The following GPHN variants were observed in gnomAD, a reference collection of about 807,000 sequenced individuals.
GPHN encodes gephyrin.
In GPHN, 17 loss-of-function variants were observed where a neutral mutation model predicts 95.5. The observed-to-expected ratio is 0.18, with a 90% confidence interval of 0.12 to 0.27. The LOEUF (loss-of-function observed/expected upper bound fraction) is 0.27. Among genes scored for constraint, GPHN ranks in the 10% least tolerant of loss-of-function variants. GPHN has a pLI of 1.00. For synonymous variants in GPHN, 320 were observed against 322.5 expected (o/e 0.99, Z 0.08); for missense variants, 660 against 978.1 (o/e 0.67, Z 4.34).
At chr14:66,867,439 T>C (rs2063268588) in intron 4 of GPHN, among the ~76,000 whole-genome samples, 1 of 152,224 alleles carries the variant, frequency 6.6e-6, no homozygotes, top group South Asian at 2.1e-4. Flanking sequence ...GCTCTGTTTC[T>C]TGAATGAGAA....
intron 1 of GPHN, among the ~76,000 whole-genome samples, chr14:66,655,930 A>G (rs1374701483): frequency 6.6e-6 from 1 of 152,162 alleles, no homozygotes; most frequent in Non-Finnish European, 1.5e-5. Flanking sequence ...CCAGCCTTGC[A>G]TACATGGAAT....
the GPHN span, chr14:67,585,707 T>A: frequency 7.6e-7 from 1 of 1,320,374 alleles, no homozygotes; most frequent in Non-Finnish European, 1.1e-6. Context: ...CAACATGGTC[T>A]TTTCTTCTCC....
At chr14:67,360,424 G>A in the GPHN span, 1 of 392,050 alleles carries the variant, frequency 2.6e-6, no homozygotes, top group Middle Eastern at 6.4e-4. Context: ...GTCGGCTCTG[G>A]GCTCCAGTGC....
At chr14:67,599,497 TA>T in the GPHN span, among the ~76,000 whole-genome samples, 1 of 152,074 alleles carries the variant, frequency 6.6e-6, no homozygotes, top group East Asian at 1.9e-4. Context: ...GAGGGAGGGT[TA>T]AAAAACTCCC....
the GPHN span, among the ~76,000 whole-genome samples, chr14:67,605,054 A>G: frequency 6.6e-6 from 1 of 152,098 alleles, no homozygotes; most frequent in Non-Finnish European, 1.5e-5. Flanking sequence ...AAGTCTTTCA[A>G]CTTTATACCT....
intron 2 of GPHN, among the ~76,000 whole-genome samples, chr14:66,739,079 A>G (rs1176833730): frequency 6.6e-6 from 1 of 152,098 alleles, no homozygotes; most frequent in African/African-American, 2.4e-5. Flanking sequence ...TGGAAAGAAG[A>G]ATACCTCAGG....
the GPHN span, among the ~76,000 whole-genome samples, chr14:67,434,992 A>G: frequency 4.5e-5 from 6 of 134,388 alleles, no homozygotes; most frequent in African/African-American, 1.5e-4. Flanking sequence ...TTTGAGATGG[A>G]GTCTCACTCT....
chr14:66,733,873 G>A (rs2072023927), intron 2 of GPHN, among the ~76,000 whole-genome samples: 1 of 152,174 alleles, frequency 6.6e-6, no homozygotes, highest in African/African-American at 2.4e-5. Flanking sequence ...CAAAGATATT[G>A]TAGCTGAATC....
chr14:67,518,958 G>A, the GPHN span, among the ~76,000 whole-genome samples: 55 of 152,360 alleles, frequency 3.6e-4, no homozygotes, highest in South Asian at 8.3e-4. Context: ...AGCAAGAAGT[G>A]AGGTAGAAGC....
chr14:66,936,831 G>GT (rs2067155682), intron 8 of GPHN, among the ~76,000 whole-genome samples: 1 of 152,212 alleles, frequency 6.6e-6, no homozygotes, highest in Non-Finnish European at 1.5e-5. Flanking sequence ...CCAATGAGTA[G>GT]TTGCTCCTGA....
At chr14:67,296,847 A>C in the GPHN span, among the ~76,000 whole-genome samples, 3 of 151,988 alleles carry the variant, frequency 2.0e-5, no homozygotes, top group Non-Finnish European at 4.4e-5. Context: ...CAGTCCTCCC[A>C]CCTCAGCCTC....
rs142057218 is a variant in GPHN, at chr14:66,633,249, A to G, written c.65-47858A>G. On this transcript the variant is annotated intron_variant, in intron 1 of 22. Coordinates refer to ENST00000478722, the MANE Select transcript of GPHN (RefSeq NM_020806.5). ...TTCTTTGAATTCATTCTGTTATTCT[A>G]TGTATGTACTTCAATTTCTTATAAG... Among the ~76,000 whole-genome samples the G allele has an allele frequency of 9.8e-4, 131 of 134,130 alleles. No individual in the cohort carries two copies. In the East Asian group the frequency reaches 0.025, roughly 25 times the overall value. 88.0% of individuals were successfully genotyped at this position (134,130 alleles called of 152,430 possible).
chr14:66,686,382 G>A (rs1033699647), intron 2 of GPHN, among the ~76,000 whole-genome samples: 7 of 152,186 alleles, frequency 4.6e-5, no homozygotes, highest in Non-Finnish European at 8.8e-5. Context: ...CCATGAGCAT[G>A]GAATAAATGT....
At chr14:66,591,899 C>T (rs945979990) in intron 1 of GPHN, among the ~76,000 whole-genome samples, 7 of 152,182 alleles carry the variant, frequency 4.6e-5, no homozygotes, top group African/African-American at 1.7e-4. Context: ...TACCTGAATT[C>T]AAACTGTACT....
the GPHN span, chr14:67,579,578 C>T: frequency 2.5e-6 from 2 of 799,498 alleles, no homozygotes; most frequent in Non-Finnish European, 2.0e-6. Flanking sequence ...GGCCCTTTGC[C>T]TGTGAACACA....
intron 4 of GPHN, among the ~76,000 whole-genome samples, chr14:66,855,775 A>C (rs947318344): frequency 6.6e-6 from 1 of 151,948 alleles, no homozygotes; most frequent in Admixed American, 6.6e-5. Context: ...CTATAGATCT[A>C]TTTTGAGTTC....
chr14:67,682,953 T>C, the GPHN span, among the ~76,000 whole-genome samples: 2 of 152,224 alleles, frequency 1.3e-5, no homozygotes, highest in Admixed American at 6.5e-5. Context: ...TTGATAACAT[T>C]AAGCTGAGTA....
At chr14:67,516,980 G>A in the GPHN span, among the ~76,000 whole-genome samples, 1 of 152,198 alleles carries the variant, frequency 6.6e-6, no homozygotes. Context: ...ATGACCCAAG[G>A]ACATCATGCA....
At chr14:67,432,123 C>A in the GPHN span, among the ~76,000 whole-genome samples, 1 of 152,218 alleles carries the variant, frequency 6.6e-6, no homozygotes, top group African/African-American at 2.4e-5. Context: ...CCAGTGCTTT[C>A]CAGCTTAAAG....
Sources: gnomAD v4.1 joint callset for allele counts (sites outside exome capture counted in the v4.1 genomes callset) on GRCh38, gnomAD v4.1.1 for gene constraint, MANE v1.5 for transcripts, NCBI Gene and HGNC (gene_info 2026-07-23, HGNC 2026-07-21) for gene names.